Variants in CNTNAP2 observed in about 807,000 individuals in gnomAD.
CNTNAP2 encodes the protein contactin-associated protein-like 2.
A neutral mutation model predicts 155.2 loss-of-function variants in CNTNAP2; 98 were observed. That is an observed-to-expected ratio of 0.63 (90% CI 0.54 to 0.75). The LOEUF (loss-of-function observed/expected upper bound fraction) is 0.75. Ranked by LOEUF, CNTNAP2 falls within the 30% of genes least tolerant of loss-of-function variation. The probability of loss-of-function intolerance (pLI) is 0.00; values close to 1 mark genes in which losing one functional copy is unlikely to be tolerated. For missense variants in CNTNAP2, 1,727 were observed against 1,688.1 expected (o/e 1.02, Z -0.40); for synonymous variants, 651 against 631.2 (o/e 1.03, Z -0.47).
chr7:148,144,213 C>T (rs1156751993), intron 16 of CNTNAP2, among the ~76,000 whole-genome samples: 1 of 152,180 alleles, frequency 6.6e-6, no homozygotes, highest in African/African-American at 2.4e-5. Flanking sequence ...TTGGAAGATA[C>T]AGATAGTGTC....
intron 9 of CNTNAP2, among the ~76,000 whole-genome samples, chr7:147,391,403 A>C (rs974768622): frequency 3.3e-5 from 5 of 152,076 alleles, no homozygotes; most frequent in African/African-American, 7.2e-5. Context: ...ACAGCTGCAT[A>C]GACTCCTGAC....
chr7:148,043,020 C>A (rs954750826), intron 15 of CNTNAP2, among the ~76,000 whole-genome samples: 1 of 152,202 alleles, frequency 6.6e-6, no homozygotes, highest in Admixed American at 6.5e-5. Context: ...GCTCTCCAGA[C>A]AATTTCAAAT....
At chr7:146,549,747 A>G (rs914607728) in intron 1 of CNTNAP2, among the ~76,000 whole-genome samples, 1 of 152,088 alleles carries the variant, frequency 6.6e-6, no homozygotes, top group Non-Finnish European at 1.5e-5. Context: ...CAGCACACTG[A>G]TATTTCCCAA....
intron 12 of CNTNAP2, among the ~76,000 whole-genome samples, chr7:147,619,263 G>C (rs1439196181): frequency 6.6e-6 from 1 of 152,152 alleles, no homozygotes; most frequent in Non-Finnish European, 1.5e-5. Context: ...GTTTCTGTTT[G>C]CATTATATGC....
chr7:147,915,581 T>C (rs1168904731), intron 14 of CNTNAP2, among the ~76,000 whole-genome samples: 1 of 152,090 alleles, frequency 6.6e-6, no homozygotes, highest in Non-Finnish European at 1.5e-5. Context: ...AAATAAAATG[T>C]TAAAATGGAC....
At chr7:147,723,914 T>G (rs536859112) in intron 13 of CNTNAP2, among the ~76,000 whole-genome samples, 5 of 152,104 alleles carry the variant, frequency 3.3e-5, no homozygotes, top group African/African-American at 1.2e-4. Context: ...TTTTAGGAAT[T>G]CTTTGTATAG....
chr7:146,160,939 TG>T (rs1313769274), intron 1 of CNTNAP2, among the ~76,000 whole-genome samples: 2 of 152,158 alleles, frequency 1.3e-5, no homozygotes, highest in Admixed American at 6.5e-5. Context: ...TGAATATCGA[TG>T]CAAAAATCCT....
intron 10 of CNTNAP2, among the ~76,000 whole-genome samples, chr7:147,472,672 C>T (rs1798246300): frequency 6.6e-6 from 1 of 152,104 alleles, no homozygotes; most frequent in Middle Eastern, 3.2e-3. Context: ...GGCAGAGACA[C>T]AGAAAAGTGG....
chr7:147,707,831 G>A (rs545208643), intron 13 of CNTNAP2, among the ~76,000 whole-genome samples: 78 of 152,336 alleles, frequency 5.1e-4, no homozygotes, highest in Admixed American at 4.1e-3. Context: ...GTATGTGTAC[G>A]TGGGTACCCA....
At chr7:147,395,450 T>C (rs1317288758) in intron 9 of CNTNAP2, among the ~76,000 whole-genome samples, 159 bp from the exon 10 acceptor site, 1 of 152,022 alleles carries the variant, frequency 6.6e-6, no homozygotes, top group African/African-American at 2.4e-5. Context: ...TCTCACTTTC[T>C]CAAAAAACTT....
chr7:146,547,970 A>G (rs899384753), intron 1 of CNTNAP2, among the ~76,000 whole-genome samples: 1 of 151,330 alleles, frequency 6.6e-6, no homozygotes, highest in East Asian at 1.9e-4. Flanking sequence ...ATTTTTTTCA[A>G]CTTTTATTTT....
At chr7:147,062,127 C>CAAAAAAAAAAAAAAAAAAAAAAAAAAA (rs869125044) in intron 4 of CNTNAP2, among the ~76,000 whole-genome samples, 3 of 44,938 alleles carry the variant, frequency 6.7e-5, no homozygotes, top group African/African-American at 9.7e-5. Context: ...GACTCCGTCT[C>CAAAAAAAAAAAAAAAAAAAAAAAAAAA]AAAAAAAAAA....
intron 10 of CNTNAP2, among the ~76,000 whole-genome samples, chr7:147,438,996 C>T (rs1017593686): frequency 6.6e-6 from 1 of 151,944 alleles, no homozygotes; most frequent in African/African-American, 2.4e-5. Context: ...TGTAGTCTGG[C>T]TAAAAGTTTG....
chr7:146,129,843 A>T (rs993670367), intron 1 of CNTNAP2, among the ~76,000 whole-genome samples: 7 of 152,204 alleles, frequency 4.6e-5, no homozygotes, highest in Admixed American at 1.3e-4. Context: ...ACAACATAGA[A>T]ATTAAAATTA....
intron 16 of CNTNAP2, among the ~76,000 whole-genome samples, chr7:148,128,066 C>T (rs111269895): frequency 7.9e-4 from 120 of 152,192 alleles, no homozygotes; most frequent in African/African-American, 2.6e-3. Context: ...GACGGGGTTT[C>T]GCCATATTGC....
At chr7:147,034,989 C>CA (rs764221688) in intron 3 of CNTNAP2, among the ~76,000 whole-genome samples, 1 of 64 alleles carries the variant, frequency 0.016, no homozygotes, top group African/African-American at 0.056. Flanking sequence ...GGTGGAGCCC[C>CA]ACCAGGACCC....
chr7:146,255,738 T>C (rs757852891), intron 1 of CNTNAP2, among the ~76,000 whole-genome samples: 2 of 152,180 alleles, frequency 1.3e-5, no homozygotes, highest in Non-Finnish European at 2.9e-5. Flanking sequence ...GCCGCAAATG[T>C]GACTTAACTT....
chr7:148,080,604 C>CA (rs199500286), intron 15 of CNTNAP2, among the ~76,000 whole-genome samples: 7,790 of 69,162 alleles, frequency 0.11, 325 homozygotes, highest in South Asian at 0.24. Flanking sequence ...GACTCCATCT[C>CA]AAAAAAAAAA....
chr7:147,266,193 A>C (rs892555544), intron 8 of CNTNAP2, among the ~76,000 whole-genome samples: 3 of 152,186 alleles, frequency 2.0e-5, no homozygotes, highest in Non-Finnish European at 4.4e-5. Flanking sequence ...TGTTGAGCTA[A>C]AGAAGCATGT....
Sources: gnomAD v4.1 joint callset for allele counts (sites outside exome capture counted in the v4.1 genomes callset) on GRCh38, gnomAD v4.1.1 for gene constraint, MANE v1.5 for transcripts, NCBI Gene and HGNC (gene_info 2026-07-23, HGNC 2026-07-21) for gene names.